Variants in UROC1 observed in about 807,000 individuals in gnomAD.
UROC1 encodes urocanate hydratase.
Under a neutral mutation model 89.5 loss-of-function variants are expected in UROC1, and 79 were observed. That is an observed-to-expected ratio of 0.88 (90% CI 0.74 to 1.06). UROC1 has a LOEUF of 1.06. UROC1 is among the 50% of genes least tolerant of loss of function. The probability of loss-of-function intolerance (pLI) is 0.00; values close to 1 mark genes in which losing one functional copy is unlikely to be tolerated. For missense variants in UROC1, 885 were observed against 907.8 expected (o/e 0.97, Z 0.32); for synonymous variants, 361 against 354.8 (o/e 1.02, Z -0.20).
intron 7 of UROC1, 33 bp downstream of exon 7, chr3:126,505,912 A>T: frequency 7.5e-7 from 1 of 1,335,864 alleles, no homozygotes; most frequent in East Asian, 3.9e-5. Context: ...CCATGCTGGG[A>T]AGCCCACAGC....
intron 8 of UROC1, 43 bp from the exon 9 acceptor site, chr3:126,504,126 G>A (rs13074237): frequency 1.2e-4 from 190 of 1,602,610 alleles, no homozygotes; most frequent in Admixed American, 5.0e-4. Context: ...GGGGCCACCC[G>A]GTTACAAATC....
At position 126,510,622 on chromosome 3, in the gene UROC1, C is replaced by T. The variant is rs777267213; in HGVS notation, c.257+42G>A. ...CAGCACAGTCCCTTGCGGGAGCTGCCTGCCCCTCGGGTCCCTTTGAAGCTG... is the reference window on the plus strand; with the variant it reads ...CAGCACAGTCCCTTGCGGGAGCTGCTTGCCCCTCGGGTCCCTTTGAAGCTG... On this transcript the variant is annotated intron_variant, in intron 2 of 19. Transcript: ENST00000290868. 11 of 1,610,030 alleles carry T rather than the reference C, an allele frequency of 6.8e-6. No individual in the cohort carries two copies. In the East Asian group the frequency reaches 1.6e-4, roughly 23 times the overall value.
chr3:126,503,322 C>T (rs1245363755), intron 9 of UROC1, among the ~76,000 whole-genome samples: 1 of 152,228 alleles, frequency 6.6e-6, no homozygotes, highest in Non-Finnish European at 1.5e-5. Flanking sequence ...AGGTGGGCAA[C>T]CACTGCACCG....
chr3:126,497,676 G>A (rs973621558), intron 14 of UROC1, among the ~76,000 whole-genome samples: 22 of 152,316 alleles, frequency 1.4e-4, no homozygotes, highest in African/African-American at 4.3e-4. Flanking sequence ...GCCTGGCCCC[G>A]GCCACTGCTG....
At chr3:126,482,595 G>A (rs778898398) in intron 19 of UROC1, 110 bp from the exon 20 acceptor site, 257 of 1,520,476 alleles carry the variant, frequency 1.7e-4, no homozygotes, top group Middle Eastern at 6.0e-4. Flanking sequence ...GAGGCTGTCC[G>A]TGGGGACAGC....
intron 15 of UROC1, among the ~76,000 whole-genome samples, chr3:126,495,031 G>A (rs984310901): frequency 6.6e-6 from 1 of 152,168 alleles, no homozygotes; most frequent in Admixed American, 6.5e-5. Context: ...TCACACAGCT[G>A]AGGATACGGG....
intron 5 of UROC1, 37 bp downstream of exon 5, chr3:126,507,930 C>T: frequency 6.2e-7 from 1 of 1,613,616 alleles, no homozygotes; most frequent in Non-Finnish European, 8.5e-7. Context: ...CTCTTTGGAG[C>T]CCTGGGCAGG....
At position 126,505,681 on chromosome 3, in the gene UROC1, CCAGGAG is replaced by C; in HGVS notation, c.813+14_813+19del. 2 of 1,613,138 alleles carry C rather than the reference CCAGGAG, an allele frequency of 1.2e-6. No individual in the cohort carries two copies. Among genetic ancestry groups the C allele is most frequent in the Non-Finnish European group, 1.7e-6 (2 of 1,179,898 alleles). On this transcript the variant is annotated intron_variant, in intron 8 of 19. Transcript: ENST00000290868. ...GGAGGGAGGCAGGCAGGAGCGAAGG[CCAGGAG>C]CCCCCCAGCTTACCTCTGCTATCAC... is the stretch of plus-strand genomic sequence containing the variant.
Position 126,482,042 on chromosome 3 carries a change from A to T in UROC1, c.*303T>A. The T allele has an allele frequency of 2.3e-6, 1 of 439,230 alleles. No individual in the cohort carries two copies. The highest frequency in any genetic ancestry group is 2.5e-5 in the South Asian group (1 of 39,798). The allele number at this position is 439,230 out of a possible 1,614,324, so 27.2% of individuals were successfully genotyped here. ...GATCATCCCAGCCGGAGAGAGCTTG[A>T]CCAGTGTTCACCGCAGGGCCCCCGG... On this transcript the variant is annotated 3_prime_UTR_variant, in exon 20 of 20. Coordinates refer to ENST00000290868, the MANE Select transcript of UROC1 (RefSeq NM_144639.3).
At position 126,492,511 on chromosome 3, in the gene UROC1, C is replaced by A; in HGVS notation, c.1515G>T (p.Val505=). ...AGTACAGGATCCTTGCCTGGGAGCC[C>A]ACCACCTGAGGAGAGAAGGGCAACT... ...IREAARHRLV[V]GSQARILYSD... The change falls in exon 16 of 20, where the codon GTG becomes GTT. Residue 505 remains valine, a synonymous_variant. Transcript: ENST00000290868. 1 of 1,611,882 alleles carries A rather than the reference C, an allele frequency of 6.2e-7. No homozygotes were observed.
intron 6 of UROC1, among the ~76,000 whole-genome samples, chr3:126,506,853 G>A (rs1192606188): frequency 1.3e-5 from 2 of 152,168 alleles, no homozygotes; most frequent in Admixed American, 6.6e-5. Context: ...AGAGGTGGGC[G>A]GATCAACTGA....
intron 1 of UROC1, 142 bp downstream of exon 1, chr3:126,517,452 C>T: frequency 4.6e-6 from 6 of 1,292,050 alleles, no homozygotes; most frequent in East Asian, 2.4e-5. Context: ...TGCATTGCAC[C>T]CGCACAGGCT....
At chr3:126,490,797 T>C (rs1935633106) in intron 16 of UROC1, among the ~76,000 whole-genome samples, 1 of 151,978 alleles carries the variant, frequency 6.6e-6, no homozygotes, top group Non-Finnish European at 1.5e-5. Context: ...ACAGGGAGCA[T>C]GTCAGCCTGG....
intron 4 of UROC1, 124 bp from the exon 5 acceptor site, chr3:126,508,219 C>T: frequency 5.8e-6 from 9 of 1,557,540 alleles, no homozygotes; most frequent in South Asian, 2.2e-5. Context: ...ACTCCAGTGG[C>T]CCTGGTGCCT....
At position 126,504,122 on chromosome 3, in the gene UROC1, A is replaced by G. The variant is rs149836778; in HGVS notation, c.814-39T>C. ...ACATGGGGCCACGAGACATGGGGCC[A>G]CCCGGTTACAAATCTTCCCTAAGTG... On this transcript the variant is annotated intron_variant, in intron 8 of 19. Transcript: ENST00000290868. The G allele has an allele frequency of 3.2e-4, 518 of 1,603,800 alleles. 3 individuals are homozygous for G. In the African/African-American group the frequency reaches 6.4e-3, roughly 20 times the overall value.
At chr3:126,496,784 A>G (rs776842438) in intron 14 of UROC1, among the ~76,000 whole-genome samples, 5 of 152,238 alleles carry the variant, frequency 3.3e-5, no homozygotes, top group African/African-American at 4.8e-5. Flanking sequence ...AAATTATATT[A>G]AAATGAAGGT....
chr3:126,492,397 C>A, intron 16 of UROC1, 21 bp downstream of exon 16: 1 of 1,606,676 alleles, frequency 6.2e-7, no homozygotes, highest in East Asian at 2.2e-5. Flanking sequence ...GATGCTTCCC[C>A]CAGAGCACAG....
At chr3:126,502,251 TTA>T (rs1243052718) in intron 9 of UROC1, among the ~76,000 whole-genome samples, 1 of 151,090 alleles carries the variant, frequency 6.6e-6, no homozygotes, top group Non-Finnish European at 1.5e-5. Flanking sequence ...GTCTGTGTGT[TTA>T]TGTGTGTGTG....
Position 126,488,282 on chromosome 3 carries a change from G to A in UROC1, c.1709-3C>T. 1 of 1,614,236 alleles carries A rather than the reference G, an allele frequency of 6.2e-7. No homozygotes were observed. Among genetic ancestry groups the A allele is most frequent in the Non-Finnish European group, 8.5e-7 (1 of 1,180,028 alleles). ...CACGAAGTTCTGCACAGCCATGTCT[G>A]CGGAAATAGAGACGCCTCTGCTCAT... On this transcript the variant is annotated splice_polypyrimidine_tract_variant and splice_region_variant and intron_variant, in intron 17 of 19. Coordinates refer to ENST00000290868, the MANE Select transcript of UROC1 (RefSeq NM_144639.3).
Sources: allele counts gnomAD v4.1 joint callset (sites outside exome capture counted in the v4.1 genomes callset), GRCh38; gene constraint gnomAD v4.1.1; transcripts MANE v1.5; gene names NCBI Gene and HGNC (gene_info 2026-07-23, HGNC 2026-07-21).